GALNTL6: variants seen among roughly 807,000 people sequenced by gnomAD.
The protein encoded by GALNTL6 is polypeptide N-acetylgalactosaminyltransferase-like 6.
Under a neutral mutation model 73.7 loss-of-function variants are expected in GALNTL6, and 46 were observed. That is an observed-to-expected ratio of 0.62 (90% confidence interval 0.49 to 0.80). The LOEUF is 0.80. GALNTL6 is among the 30% of genes least tolerant of loss of function. GALNTL6 has a pLI of 0.00. For missense variants in GALNTL6, 604 were observed against 755.0 expected, an observed-to-expected ratio of 0.80 and a Z score of 2.34; for synonymous variants, 259 against 263.7, an observed-to-expected ratio of 0.98 and a Z score of 0.17.
At chr4:172,600,034 A>G (rs1737996688) in intron 5 of GALNTL6, among the ~76,000 whole-genome samples, 1 of 152,158 alleles carries the variant, frequency 6.6e-6, no homozygotes, top group Non-Finnish European at 1.5e-5. Flanking sequence ...TAACAGGTAA[A>G]TTTCTAAATC....
chr4:172,878,020 C>T (rs1745279783), intron 7 of GALNTL6, among the ~76,000 whole-genome samples: 1 of 151,954 alleles, frequency 6.6e-6, no homozygotes, highest in African/African-American at 2.4e-5. Flanking sequence ...GCAATAGAAC[C>T]TATGGCTAAA....
At chr4:173,005,832 C>T (rs995679885) in intron 10 of GALNTL6, among the ~76,000 whole-genome samples, 14 of 152,198 alleles carry the variant, frequency 9.2e-5, no homozygotes, top group African/African-American at 3.4e-4. Context: ...GACAATTATG[C>T]CTTTGAAACC....
rs187525503 is a variant in GALNTL6 at position 172,548,486 on chromosome 4, G to A, written c.553+199797G>A. 2.7e-3 allele frequency among the ~76,000 whole-genome samples: 410 copies of A among 152,198 alleles called. 3 individuals are homozygous for A. Among genetic ancestry groups the A allele is most frequent in the Non-Finnish European group, 4.4e-3 (296 of 68,020 alleles). On this transcript the variant is annotated intron_variant, in intron 5 of 12. Transcript: ENST00000506823. ...CAAATGGTTTTAAGCTAAAGCCCCCGGTACATGGTATGTGGTTTAATTTTA... is the reference window on the plus strand; with the variant it reads ...CAAATGGTTTTAAGCTAAAGCCCCCAGTACATGGTATGTGGTTTAATTTTA...
At chr4:172,151,221 A>T (rs1260930474) in intron 2 of GALNTL6, among the ~76,000 whole-genome samples, 1 of 152,220 alleles carries the variant, frequency 6.6e-6, no homozygotes, top group East Asian at 1.9e-4. Context: ...AAATAAAGTC[A>T]TGAAAAAGAA....
chr4:172,847,877 T>C, intron 7 of GALNTL6, among the ~76,000 whole-genome samples: 1 of 152,204 alleles, frequency 6.6e-6, no homozygotes, highest in Admixed American at 6.5e-5. Flanking sequence ...GGTCTTAAGA[T>C]TGGGTTTTCA....
chr4:172,825,056 CTT>C (rs36147306), intron 7 of GALNTL6, among the ~76,000 whole-genome samples: 2 of 118,320 alleles, frequency 1.7e-5, no homozygotes, highest in African/African-American at 3.2e-5. Context: ...ATTCTTTTTT[CTT>C]TTTTTTTTTT....
rs375767910 is a variant in GALNTL6, at chr4:171,903,590, C to T, written c.138+88872C>T. 3.7e-5 allele frequency among the ~76,000 whole-genome samples: 5 copies of T among 134,918 alleles called. 1 individual carries two copies. In the East Asian group the frequency reaches 8.8e-4, roughly 24 times the overall value. The allele number at this position is 134,918 out of a possible 152,430, so 88.5% of individuals were successfully genotyped here. A position where few individuals can be genotyped will look rare whatever the true frequency, so the allele number is the denominator to read the frequency against. On this transcript the variant is annotated intron_variant, in intron 2 of 12. Coordinates refer to ENST00000506823, the MANE Select transcript of GALNTL6 (RefSeq NM_001034845.3). ...GGAGGGGCGCCCGCCATTGTCCAGG[C>T]TTGATTAGGTAAACAAAGCAGCCCT...
intron 8 of GALNTL6, among the ~76,000 whole-genome samples, chr4:172,904,180 G>T (rs748589495): frequency 3.9e-5 from 6 of 152,184 alleles, no homozygotes; most frequent in Non-Finnish European, 7.3e-5. Flanking sequence ...CACTGCCTTT[G>T]AGGTAAGCAT....
chr4:173,021,753 G>A, intron 12 of GALNTL6, 128 bp downstream of exon 12: 1 of 931,862 alleles, frequency 1.1e-6, no homozygotes, highest in Non-Finnish European at 1.6e-6. Flanking sequence ...TGGCACTCTG[G>A]GAGGTCGAGG....
chr4:173,007,311 A>C (rs1455582310), intron 10 of GALNTL6, among the ~76,000 whole-genome samples: 1 of 152,122 alleles, frequency 6.6e-6, no homozygotes, highest in Non-Finnish European at 1.5e-5. Context: ...AGTTGGGCCC[A>C]TCCTGGTTTT....
At chr4:172,173,280 T>C (rs889395717) in intron 2 of GALNTL6, among the ~76,000 whole-genome samples, 1 of 152,094 alleles carries the variant, frequency 6.6e-6, no homozygotes, top group Admixed American at 6.5e-5. Context: ...TTAAAGTGAG[T>C]CTTAAATGAC....
At chr4:171,968,527 C>G (rs1312690123) in intron 2 of GALNTL6, among the ~76,000 whole-genome samples, 1 of 152,160 alleles carries the variant, frequency 6.6e-6, no homozygotes, top group Non-Finnish European at 1.5e-5. Context: ...TTACACTAAT[C>G]CAGCATGATC....
chr4:172,839,665 G>T (rs948334819), intron 7 of GALNTL6, among the ~76,000 whole-genome samples: 1 of 152,202 alleles, frequency 6.6e-6, no homozygotes, highest in African/African-American at 2.4e-5. Context: ...TATATCTTCA[G>T]TCCTTACAGG....
At position 172,425,891 on chromosome 4, in the gene GALNTL6, AG is replaced by A. The variant is rs144839455; in HGVS notation, c.553+77203del. Reference sequence around the variant, plus strand: ...CCTAAAAATACTCTGGAGTAGGCAAAGTTGTGGATTTTAAAAGAATCTGTGG... The same window carrying A: ...CCTAAAAATACTCTGGAGTAGGCAAATTGTGGATTTTAAAAGAATCTGTGG... On this transcript the variant is annotated intron_variant, in intron 5 of 12. Transcript: ENST00000506823. Among the ~76,000 whole-genome samples, 804 of 152,202 alleles carry A rather than the reference AG, an allele frequency of 5.3e-3. 8 individuals are homozygous for A. The highest frequency in any genetic ancestry group is 0.029 in the Admixed American group (444 of 15,262).
chr4:172,336,278 T>TG (rs1317614172), intron 4 of GALNTL6, among the ~76,000 whole-genome samples: 11 of 136,440 alleles, frequency 8.1e-5, no homozygotes, highest in South Asian at 2.6e-4. Flanking sequence ...TTGTTTTGTT[T>TG]TTTTTTTTTT....
At chr4:172,256,269 G>A (rs979833863) in intron 3 of GALNTL6, among the ~76,000 whole-genome samples, 1 of 151,216 alleles carries the variant, frequency 6.6e-6, no homozygotes, top group South Asian at 2.1e-4. Context: ...CATAGTAAAT[G>A]TATACATTTT....
At chr4:171,909,439 A>T (rs1172164005) in intron 2 of GALNTL6, among the ~76,000 whole-genome samples, 1 of 152,156 alleles carries the variant, frequency 6.6e-6, no homozygotes, top group Non-Finnish European at 1.5e-5. Flanking sequence ...TCTATGAAAG[A>T]TCATCTTACT....
chr4:171,987,349 A>C (rs375987450), intron 2 of GALNTL6, among the ~76,000 whole-genome samples: 2 of 152,170 alleles, frequency 1.3e-5, no homozygotes, highest in African/African-American at 2.4e-5. Context: ...TTGACTAATA[A>C]AGGCTGGTCT....
intron 3 of GALNTL6, among the ~76,000 whole-genome samples, chr4:172,262,399 G>GT (rs1738288332): frequency 6.6e-6 from 1 of 150,868 alleles, no homozygotes; most frequent in Non-Finnish European, 1.5e-5. Flanking sequence ...TGTCTTTTCT[G>GT]TCATTGCTTT....
Sources: gnomAD v4.1 joint callset for allele counts (sites outside exome capture counted in the v4.1 genomes callset) on GRCh38, gnomAD v4.1.1 for gene constraint, MANE v1.5 for transcripts, NCBI Gene and HGNC (gene_info 2026-07-23, HGNC 2026-07-21) for gene names.